Variants in GK observed in about 807,000 individuals in gnomAD.
The protein encoded by GK is ATP:glycerol 3-phosphotransferase.
GK carries 9 observed loss-of-function variants against 56.4 expected under a neutral mutation model. The observed-to-expected ratio is 0.16, with a 90% CI of 0.10 to 0.28. The LOEUF (loss-of-function observed/expected upper bound fraction) is 0.28. GK is among the 10% of genes least tolerant of loss of function. GK has a pLI of 1.00. For missense variants in GK, 161 were observed against 431.4 expected, an observed-to-expected ratio of 0.37 and a Z score of 5.55; for synonymous variants, 104 against 144.1, an observed-to-expected ratio of 0.72 and a Z score of 1.99.
intron 13 of GK, among the ~76,000 whole-genome samples, chrX:30,717,297 T>G (rs1936676895): frequency 9.0e-6 from 1 of 111,401 alleles, no homozygotes; most frequent in Admixed American, 9.6e-5. Flanking sequence ...ACTTCTTTTT[T>G]TTTTTGCCTT....
chrX:30,695,486 T>C (rs189486993), intron 6 of GK, among the ~76,000 whole-genome samples: 118 of 112,619 alleles, frequency 1.0e-3, no homozygotes, highest in African/African-American at 2.9e-3. Context: ...ATTGCTTCCA[T>C]GTAAAGGAAA....
chrX:30,696,717 A>G, intron 8 of GK, 34 bp downstream of exon 8: 1 of 1,005,707 alleles, frequency 9.9e-7, no homozygotes. Context: ...AAAACACACC[A>G]AAAAACCAAA....
At chrX:30,661,697 A>G (rs1327725408) in intron 1 of GK, among the ~76,000 whole-genome samples, 1 of 111,261 alleles carries the variant, frequency 9.0e-6, no homozygotes, top group African/African-American at 3.3e-5. Flanking sequence ...TGACAGCCCT[A>G]TGTGAGGCAG....
chrX:30,730,154 A>G lies in GK; in HGVS notation c.*1412A>G, dbSNP rs142179849. 579 of 112,490 alleles carry G rather than the reference A, an allele frequency of 5.1e-3. 6 individuals are homozygous for G. Among genetic ancestry groups the G allele is most frequent in the African/African-American group, 0.017 (517 of 31,046 alleles). The allele number at this position is 112,490 out of a possible 1,213,427, so 9.3% of individuals were successfully genotyped here. ...CTTCTTAACATCAATTTTTAAAAAT[A>G]TCTTAAAATTACTTTGTTTTGTAGT... On this transcript the variant is annotated 3_prime_UTR_variant, in exon 21 of 21. Coordinates refer to ENST00000427190, the MANE Select transcript of GK (RefSeq NM_001205019.2).
At chrX:30,714,592 G>T (rs776809145) in intron 13 of GK, among the ~76,000 whole-genome samples, 3 of 111,664 alleles carry the variant, frequency 2.7e-5, no homozygotes, top group Non-Finnish European at 5.6e-5. Flanking sequence ...AATATCTCCA[G>T]CAAGACAGGC....
chrX:30,690,531 C>A (rs1176414934), intron 4 of GK, among the ~76,000 whole-genome samples: 1 of 110,768 alleles, frequency 9.0e-6, no homozygotes, highest in African/African-American at 3.3e-5. Flanking sequence ...TATACTCCAG[C>A]AGAGAGAAAG....
At chrX:30,656,891 C>T (rs1415337167) in intron 1 of GK, among the ~76,000 whole-genome samples, 2 of 112,513 alleles carry the variant, frequency 1.8e-5, no homozygotes, top group African/African-American at 6.5e-5. Context: ...CGCTCTGTAG[C>T]CCAGGCTGGA....
At position 30,699,285 on chromosome X, in the gene GK, CAT is replaced by C. The variant is rs1265282627; in HGVS notation, c.748-1128_748-1127del. On this transcript the variant is annotated intron_variant, in intron 9 of 20. Transcript: ENST00000427190. ...TTATGTATAACATGTATATATACAACATGTTATACATAACATGTATATATATA... is the reference window on the plus strand; with the variant it reads ...TTATGTATAACATGTATATATACAACGTTATACATAACATGTATATATATA... Among the ~76,000 whole-genome samples the C allele has an allele frequency of 1.3e-4, 12 of 93,071 alleles. No homozygotes were observed. In the Admixed American group the frequency reaches 1.4e-3, roughly 11 times the overall value. The allele number at this position is 93,071 out of a possible 115,157, so 80.8% of individuals were successfully genotyped here. A position where few individuals can be genotyped will look rare whatever the true frequency, so the allele number is the denominator to read the frequency against.
Position 30,727,484 on chromosome X carries a change from G to A in GK, c.1601G>A (p.Cys534Tyr). 8.4e-7 allele frequency: 1 copy of A among 1,189,737 alleles called. No homozygotes were observed. Among genetic ancestry groups the A allele is most frequent in the Non-Finnish European group, 1.1e-6 (1 of 876,514 alleles). Reference sequence around the variant, plus strand: ...ACCACAGGTGACCCTAGTATCTTCTGTAGTCTGCCCTTGGGCTTTTTTATA... The same window carrying A: ...ACCACAGGTGACCCTAGTATCTTCTATAGTCTGCCCTTGGGCTTTTTTATA... ...SPESGDPSIF[C>Y]SLPLGFFIVS... Residue 534 changes from cysteine (C) to tyrosine (Y), a missense_variant, in exon 20 of 21, where the codon TGT becomes TAT. Cys to Tyr is a radical substitution (Grantham distance 194). Coordinates refer to ENST00000427190, the MANE Select transcript of GK (RefSeq NM_001205019.2).
At chrX:30,707,294 C>T (rs1381627318) in intron 11 of GK, among the ~76,000 whole-genome samples, 1 of 104,962 alleles carries the variant, frequency 9.5e-6, no homozygotes, top group Non-Finnish European at 1.9e-5. Context: ...CGCGCCACTG[C>T]ACTCCAGCCT....
chrX:30,687,510 C>T (rs1488010319), intron 4 of GK: 1 of 339,885 alleles, frequency 2.9e-6, no homozygotes, highest in Admixed American at 3.1e-5. Flanking sequence ...CGTGAATTGC[C>T]CTTATTTCTT....
Position 30,686,543 on chromosome X carries a change from T to C in GK, c.338-4580T>C, listed in dbSNP as rs186652049. Among the ~76,000 whole-genome samples the C allele has an allele frequency of 2.9e-4, 32 of 112,114 alleles. No individual in the cohort carries two copies. The East Asian group carries it at 8.3e-3, about 29-fold the overall frequency. Reference sequence around the variant, plus strand: ...AGCTAGATGATTTTAGTGGGGTTTTTTTTTACTTTATTTTGTTTTTCCTTC... The same window carrying C: ...AGCTAGATGATTTTAGTGGGGTTTTCTTTTACTTTATTTTGTTTTTCCTTC... On this transcript the variant is annotated intron_variant, in intron 4 of 20. Transcript: ENST00000427190.
chrX:30,697,890 T>C, intron 9 of GK, 141 bp downstream of exon 9: 1 of 510,678 alleles, frequency 2.0e-6, no homozygotes, highest in Non-Finnish European at 3.5e-6. Context: ...TATTATAAGC[T>C]CTAGTCAGAT....
intron 9 of GK, among the ~76,000 whole-genome samples, chrX:30,699,795 A>T (rs1192411795): frequency 9.0e-6 from 1 of 111,663 alleles, no homozygotes; most frequent in Non-Finnish European, 1.9e-5. Flanking sequence ...TCTTCCTAGA[A>T]TGCTGGCCAT....
At chrX:30,697,708 C>CTT in intron 8 of GK, 24 bp from the exon 9 acceptor site, 1 of 1,099,389 alleles carries the variant, frequency 9.1e-7, no homozygotes, top group Non-Finnish European at 1.3e-6. Context: ...TTCTATCCTT[C>CTT]TCTCTCCCCC....
chrX:30,700,759 A>AAAT, intron 10 of GK, 79 bp from the exon 11 acceptor site: 1 of 695,971 alleles, frequency 1.4e-6, no homozygotes, highest in Non-Finnish European at 2.3e-6. Flanking sequence ...TAAAAAATGA[A>AAAT]AAATCCTATG....
intron 5 of GK, among the ~76,000 whole-genome samples, chrX:30,691,797 T>C (rs887823293): frequency 5.4e-5 from 6 of 110,983 alleles, no homozygotes; most frequent in African/African-American, 2.0e-4. Flanking sequence ...CCCTATTTTT[T>C]CTACTGCCCA....
chrX:30,728,192 G>T (rs746931257), intron 20 of GK, among the ~76,000 whole-genome samples: 3 of 111,611 alleles, frequency 2.7e-5, no homozygotes, highest in Non-Finnish European at 5.6e-5. Flanking sequence ...GGCTCAGCAT[G>T]TTATGGAATA....
intron 3 of GK, among the ~76,000 whole-genome samples, chrX:30,675,172 G>A (rs961961034): frequency 1.8e-5 from 2 of 110,601 alleles, no homozygotes; most frequent in African/African-American, 3.3e-5. Flanking sequence ...GACTAAGATC[G>A]GGAGGTGGAA....
Sources: allele counts gnomAD v4.1 joint callset (sites outside exome capture counted in the v4.1 genomes callset), GRCh38; gene constraint gnomAD v4.1.1; transcripts MANE v1.5; gene names NCBI Gene and HGNC (gene_info 2026-07-23, HGNC 2026-07-21).